CSMD1: variants seen among roughly 807,000 people sequenced by gnomAD.
CSMD1 encodes CUB and Sushi multiple domains 1.
In CSMD1, 213 loss-of-function variants were observed where a neutral mutation model predicts 417.5. The observed-to-expected ratio is 0.51, with a 90% CI of 0.46 to 0.57. The LOEUF (loss-of-function observed/expected upper bound fraction) is 0.57. Ranked by LOEUF, CSMD1 falls within the 20% of genes least tolerant of loss-of-function variation. The pLI is 0.00. For missense variants in CSMD1, 6,923 were observed against 4,529.7 expected (o/e 1.53, Z -15.17); for synonymous variants, 2,862 against 1,736.8 (o/e 1.65, Z -16.11).
chr8:3,180,770 C>T (rs1012882651), intron 37 of CSMD1, among the ~76,000 whole-genome samples: 16 of 152,212 alleles, frequency 1.1e-4, no homozygotes, highest in Middle Eastern at 6.8e-3. Context: ...GCTGAGATTA[C>T]AGGCGCCCGT....
At chr8:4,872,315 T>A (rs974159474) in intron 1 of CSMD1, among the ~76,000 whole-genome samples, 4 of 152,070 alleles carry the variant, frequency 2.6e-5, no homozygotes, top group Admixed American at 2.0e-4. Context: ...AATCTCATCT[T>A]GAATTATAAT....
At chr8:3,661,788 T>C (rs1236180885) in intron 7 of CSMD1, among the ~76,000 whole-genome samples, 1 of 152,124 alleles carries the variant, frequency 6.6e-6, no homozygotes, top group African/African-American at 2.4e-5. Flanking sequence ...TGAGCCACCA[T>C]GACCGGCAAA....
intron 3 of CSMD1, among the ~76,000 whole-genome samples, chr8:4,412,641 G>C (rs190927388): frequency 2.6e-4 from 40 of 152,262 alleles, no homozygotes; most frequent in Non-Finnish European, 5.0e-4. Flanking sequence ...AACGGAATCA[G>C]AAACTAGATT....
At chr8:3,256,530 C>A (rs1439426191) in intron 26 of CSMD1, among the ~76,000 whole-genome samples, 2 of 152,176 alleles carry the variant, frequency 1.3e-5, no homozygotes, top group East Asian at 1.9e-4. Context: ...GGATTTATTG[C>A]ATGCACTAAA....
At chr8:4,778,645 G>A (rs1448491206) in intron 1 of CSMD1, among the ~76,000 whole-genome samples, 1 of 152,114 alleles carries the variant, frequency 6.6e-6, no homozygotes, top group South Asian at 2.1e-4. Flanking sequence ...GACCTTCATG[G>A]GAGTGGTCTA....
intron 23 of CSMD1, among the ~76,000 whole-genome samples, chr8:3,329,347 G>A (rs773626711): frequency 7.2e-5 from 11 of 152,012 alleles, no homozygotes; most frequent in Non-Finnish European, 1.3e-4. Context: ...CATTTGCAGC[G>A]TGACAGAGCC....
At chr8:3,671,135 G>T (rs866926721) in intron 7 of CSMD1, among the ~76,000 whole-genome samples, 1 of 145,644 alleles carries the variant, frequency 6.9e-6, no homozygotes, top group African/African-American at 2.5e-5. Flanking sequence ...TATATGTATG[G>T]GATATATGTA....
At chr8:4,052,177 G>C (rs1010167431) in intron 3 of CSMD1, among the ~76,000 whole-genome samples, 8 of 152,080 alleles carry the variant, frequency 5.3e-5, no homozygotes, top group Non-Finnish European at 7.4e-5. Flanking sequence ...CACCCACCTT[G>C]GCCTCCGAAA....
intron 4 of CSMD1, among the ~76,000 whole-genome samples, chr8:4,013,930 C>T (rs2740940): frequency 0.58 from 87,922 of 151,976 alleles, 25,694 homozygotes; most frequent in East Asian, 0.65. Context: ...AAATGTTTAC[C>T]AGCCCTGATT....
intron 47 of CSMD1, among the ~76,000 whole-genome samples, chr8:3,096,127 G>A (rs528390097): frequency 3.3e-5 from 5 of 152,140 alleles, no homozygotes; most frequent in African/African-American, 1.2e-4. Flanking sequence ...AAGAGTTATT[G>A]AGATCATCTT....
At position 4,568,152 on chromosome 8, in the gene CSMD1, A is replaced by C. The variant is rs573511065; in HGVS notation, c.302+69190T>G. On this transcript the variant is annotated intron_variant, in intron 2 of 69. Transcript: ENST00000635120. ...TAAGATGCTTTGTGTGTCTTTTTAA[A>C]AAAATATATAAGTTATGGGATACAT... is the stretch of plus-strand genomic sequence containing the variant. Among the ~76,000 whole-genome samples the C allele has an allele frequency of 5.9e-5, 9 of 152,314 alleles. No homozygotes were observed. The East Asian group carries it at 1.7e-3, about 29-fold the overall frequency.
intron 10 of CSMD1, among the ~76,000 whole-genome samples, chr8:3,541,123 T>A (rs961215843): frequency 2.6e-5 from 4 of 152,126 alleles, no homozygotes; most frequent in Non-Finnish European, 5.9e-5. Flanking sequence ...AGACATGGAA[T>A]CAACCCAAAT....
intron 3 of CSMD1, among the ~76,000 whole-genome samples, chr8:4,310,507 T>G (rs1447170463): frequency 7.7e-6 from 1 of 129,822 alleles, no homozygotes; most frequent in Admixed American, 9.4e-5. Context: ...AAACTTCTTT[T>G]CTTCCACATT....
chr8:3,960,042 A>T (rs1057065930), intron 5 of CSMD1, among the ~76,000 whole-genome samples: 25 of 152,206 alleles, frequency 1.6e-4, no homozygotes, highest in African/African-American at 6.0e-4. Context: ...CCTTCTGGGC[A>T]TCTCAGGGAA....
intron 3 of CSMD1, among the ~76,000 whole-genome samples, chr8:4,382,530 A>T (rs1803168686): frequency 1.3e-5 from 2 of 152,206 alleles, no homozygotes; most frequent in African/African-American, 4.8e-5. Context: ...ACTGTATTGC[A>T]AAAAGGATTA....
chr8:4,358,947 T>G (rs1259138474), intron 3 of CSMD1, among the ~76,000 whole-genome samples: 2 of 139,630 alleles, frequency 1.4e-5, no homozygotes, highest in African/African-American at 5.8e-5. Flanking sequence ...CATTCAGTAC[T>G]ACACTTCCAG....
At chr8:3,751,167 G>T (rs1042202431) in intron 6 of CSMD1, among the ~76,000 whole-genome samples, 1 of 152,080 alleles carries the variant, frequency 6.6e-6, no homozygotes, top group African/African-American at 2.4e-5. Flanking sequence ...GAACTTTAAA[G>T]TCAGCCTTGA....
At chr8:4,143,586 C>T (rs1421441465) in intron 3 of CSMD1, among the ~76,000 whole-genome samples, 2 of 151,000 alleles carry the variant, frequency 1.3e-5, no homozygotes, top group Non-Finnish European at 2.9e-5. Context: ...TTGTCAACCC[C>T]TTTAACTAGT....
chr8:3,709,245 C>A (rs909497798), intron 6 of CSMD1, among the ~76,000 whole-genome samples: 1 of 151,650 alleles, frequency 6.6e-6, no homozygotes, highest in East Asian at 1.9e-4. Flanking sequence ...AGCTATCCCA[C>A]ACTTGGCTTT....
Sources: allele counts gnomAD v4.1 joint callset (sites outside exome capture counted in the v4.1 genomes callset), GRCh38; gene constraint gnomAD v4.1.1; transcripts MANE v1.5; gene names NCBI Gene and HGNC (gene_info 2026-07-23, HGNC 2026-07-21).